RARB: variants seen among roughly 807,000 people sequenced by gnomAD.
The protein encoded by RARB is HBV-activated protein.
In RARB, 17 loss-of-function variants were observed where a neutral mutation model predicts 51.9. The observed-to-expected ratio is 0.33, with a 90% CI of 0.22 to 0.49. The LOEUF is 0.49. Among genes scored for constraint, RARB ranks in the 20% least tolerant of loss-of-function variants. The pLI is 0.99. For synonymous variants in RARB, 215 were observed against 195.4 expected (o/e 1.10, Z -0.84); for missense variants, 369 against 550.8 (o/e 0.67, Z 3.30).
chr3:25,482,105 C>G (rs926432479), intron 2 of RARB, among the ~76,000 whole-genome samples: 8 of 152,196 alleles, frequency 5.3e-5, no homozygotes, highest in Non-Finnish European at 8.8e-5. Flanking sequence ...CTGCTTTCAG[C>G]TCCCTTTTTT....
intron 5 of RARB, among the ~76,000 whole-genome samples, chr3:25,289,764 C>T (rs1382732583): frequency 6.6e-6 from 1 of 152,068 alleles, no homozygotes; most frequent in East Asian, 1.9e-4. Flanking sequence ...TGGGCTATTC[C>T]CTTTGGTTTC....
chr3:24,845,419 C>G (rs1444677115), intron 1 of RARB, among the ~76,000 whole-genome samples: 1 of 152,166 alleles, frequency 6.6e-6, no homozygotes, highest in East Asian at 1.9e-4. Flanking sequence ...GCTCAGCTGT[C>G]TTCCATGTGT....
chr3:25,220,480 C>CA (rs1260120589), intron 5 of RARB, among the ~76,000 whole-genome samples: 1 of 152,186 alleles, frequency 6.6e-6, no homozygotes, highest in Admixed American at 6.5e-5. Flanking sequence ...ACCCAAATCT[C>CA]AAAATTATAA....
At chr3:24,962,520 C>T (rs2125412411) in intron 2 of RARB, among the ~76,000 whole-genome samples, 1 of 152,314 alleles carries the variant, frequency 6.6e-6, no homozygotes, top group East Asian at 1.9e-4. Context: ...CAGACCGATA[C>T]CAGTCCATGG....
intron 3 of RARB, among the ~76,000 whole-genome samples, chr3:25,109,706 C>CA (rs1264254197): frequency 6.6e-6 from 1 of 152,120 alleles, no homozygotes; most frequent in Non-Finnish European, 1.5e-5. Flanking sequence ...GCAGGATAAC[C>CA]AAAAAGCAGG....
chr3:24,945,352 T>G (rs1307236254), intron 2 of RARB, among the ~76,000 whole-genome samples: 1 of 152,216 alleles, frequency 6.6e-6, no homozygotes, highest in Non-Finnish European at 1.5e-5. Context: ...CACATGATCC[T>G]CAGGGACTGA....
intron 2 of RARB, among the ~76,000 whole-genome samples, chr3:24,981,244 G>A (rs933006380): frequency 1.3e-5 from 2 of 152,194 alleles, no homozygotes; most frequent in African/African-American, 4.8e-5. Context: ...ACTTGAGGAG[G>A]CAGTCTGTCT....
intron 2 of RARB, among the ~76,000 whole-genome samples, chr3:24,955,807 G>T (rs959286797): frequency 6.6e-6 from 1 of 152,066 alleles, no homozygotes; most frequent in African/African-American, 2.4e-5. Flanking sequence ...GCGGGGAGTG[G>T]AGCTGCACAG....
rs770248970 is a variant in RARB, at chr3:25,171,643, TA to T, written c.-279-2458del. On this transcript the variant is annotated intron_variant, in intron 4 of 11. Transcript: ENST00000383772. ...TTTTTCCCAACCAGTCCCTGGTTGG[TA>T]AAAAAAAAAAAAAAAAACAGCTTTA... Among the ~76,000 whole-genome samples, 61 of 45,470 alleles carry T rather than the reference TA, an allele frequency of 1.3e-3. 4 individuals carry two copies. The South Asian group carries it at 0.016, about 12-fold the overall frequency. The allele number at this position is 45,470 out of a possible 152,430, so 29.8% of individuals were successfully genotyped here.
intron 2 of RARB, among the ~76,000 whole-genome samples, chr3:24,900,965 A>G (rs542441733): frequency 2.6e-5 from 4 of 152,330 alleles, no homozygotes; most frequent in African/African-American, 9.6e-5. Flanking sequence ...TTGGAAGACA[A>G]TATGGTAGGT....
chr3:24,915,525 C>T (rs1022429779), intron 2 of RARB, among the ~76,000 whole-genome samples: 8 of 152,134 alleles, frequency 5.3e-5, no homozygotes, highest in South Asian at 2.1e-4. Flanking sequence ...AAAGACTGCT[C>T]ATAAATTGCT....
chr3:25,454,265 T>C (rs532853585), intron 1 of RARB, among the ~76,000 whole-genome samples: 1 of 152,346 alleles, frequency 6.6e-6, no homozygotes, highest in East Asian at 1.9e-4. Context: ...CTCCCTAATG[T>C]ATGTGAGCTG....
intron 2 of RARB, among the ~76,000 whole-genome samples, chr3:25,491,670 G>A (rs931647179): frequency 6.6e-5 from 10 of 152,272 alleles, no homozygotes; most frequent in Admixed American, 1.3e-4. Flanking sequence ...GGCGTGCGTG[G>A]TACCTCATGC....
chr3:25,455,017 C>A (rs569879849), intron 1 of RARB, among the ~76,000 whole-genome samples: 2 of 152,156 alleles, frequency 1.3e-5, no homozygotes, highest in Non-Finnish European at 2.9e-5. Flanking sequence ...CCATCCCAGT[C>A]GGTGGAGATT....
Position 25,186,117 on chromosome 3 carries a change from T to G in RARB, c.178+11542T>G, listed in dbSNP as rs148177315. Among the ~76,000 whole-genome samples, 798 of 82,394 alleles carry G rather than the reference T, an allele frequency of 9.7e-3. 13 individuals carry two copies. The highest frequency in any genetic ancestry group is 0.033 in the African/African-American group (700 of 21,242). 54.1% of individuals were successfully genotyped at this position (82,394 alleles called of 152,430 possible). ...GAGCATAAAGTATGTATATAGACTT[T>G]GTGCAAGTCAGAAAAAAAGACAACC... On this transcript the variant is annotated intron_variant, in intron 5 of 11. Transcript: ENST00000383772.
rs146184294 is a variant in RARB, at chr3:25,402,879, A to G, written c.179-58314A>G. Among the ~76,000 whole-genome samples, 24 of 152,046 alleles carry G rather than the reference A, an allele frequency of 1.6e-4. No homozygotes were observed. The Middle Eastern group carries it at 0.01, about 65-fold the overall frequency. ...CAAAAAATGTAGCTAGAAAGAATGA[A>G]TAAAGCCAAGCGTGGTGGCTCACGC... On this transcript the variant is annotated intron_variant, in intron 5 of 11. Coordinates refer to the RARB transcript ENST00000383772.
intron 3 of RARB, among the ~76,000 whole-genome samples, chr3:25,068,133 C>CAAAAAAAAAAAAAAAA (rs55826425): frequency 3.0e-5 from 1 of 33,268 alleles, no homozygotes; most frequent in African/African-American, 1.0e-4. Flanking sequence ...GACTCCATCT[C>CAAAAAAAAAAAAAAAA]AAAAAAAAAA....
At chr3:25,212,361 C>T (rs1014825043) in intron 5 of RARB, among the ~76,000 whole-genome samples, 10 of 152,256 alleles carry the variant, frequency 6.6e-5, no homozygotes, top group Admixed American at 2.6e-4. Context: ...GGCTCACGCC[C>T]ATAATCCCAG....
intron 1 of RARB, among the ~76,000 whole-genome samples, chr3:24,832,652 A>ATATATATATATATATATATAT (rs1491520085): frequency 1.4e-3 from 87 of 61,058 alleles, no homozygotes; most frequent in African/African-American, 7.7e-3. Context: ...TATATATATA[A>ATATATATATATATATATATAT]TGTCAATTAA....
Sources: allele counts gnomAD v4.1 joint callset (sites outside exome capture counted in the v4.1 genomes callset), GRCh38; gene constraint gnomAD v4.1.1; transcripts MANE v1.5; gene names NCBI Gene and HGNC (gene_info 2026-07-23, HGNC 2026-07-21).